The following SYN1 variants were observed in gnomAD, a reference collection of about 807,000 sequenced individuals.
The protein encoded by SYN1 is synapsin I.
SYN1 carries 8 observed loss-of-function variants against 44.6 expected under a neutral mutation model. The observed-to-expected ratio is 0.18, with a 90% CI of 0.11 to 0.32. The LOEUF (loss-of-function observed/expected upper bound fraction) is 0.32. SYN1 is among the 10% of genes least tolerant of loss of function. SYN1 has a pLI of 1.00. For synonymous variants in SYN1, 275 were observed against 280.1 expected (o/e 0.98, Z 0.18); for missense variants, 451 against 639.4 (o/e 0.71, Z 3.18).
At chrX:47,601,919 C>T (rs759599878) in intron 5 of SYN1, among the ~76,000 whole-genome samples, 2 of 112,127 alleles carry the variant, frequency 1.8e-5, no homozygotes, top group Non-Finnish European at 3.8e-5. Context: ...AATTAATGTA[C>T]TACATACCAT....
chrX:47,577,565 G>A (rs1030251098), intron 5 of SYN1, 64 bp from the exon 6 acceptor site: 7 of 1,010,325 alleles, frequency 6.9e-6, no homozygotes, highest in African/African-American at 1.9e-5. Context: ...GGGGTGGGGC[G>A]GCACTGAGGG....
At chrX:47,579,604 C>T (rs1173903043) in intron 5 of SYN1, among the ~76,000 whole-genome samples, 5 of 108,560 alleles carry the variant, frequency 4.6e-5, no homozygotes, top group Non-Finnish European at 9.6e-5. Context: ...CAAAACTGCA[C>T]AATAACCGGA....
intron 5 of SYN1, among the ~76,000 whole-genome samples, chrX:47,600,231 A>G (rs1339712837): frequency 9.1e-6 from 1 of 109,429 alleles, no homozygotes; most frequent in Non-Finnish European, 1.9e-5. Flanking sequence ...ACGTGGTCTC[A>G]CTCAGACTGG....
chrX:47,594,973 T>A lies in SYN1; in HGVS notation c.774+10005A>T, dbSNP rs112441814. Among the ~76,000 whole-genome samples the A allele has an allele frequency of 6.6e-3, 731 of 111,308 alleles. 4 individuals are homozygous for A. The highest frequency in any genetic ancestry group is 0.023 in the African/African-American group (696 of 30,620). ...AACTCCCGACCTCAGGTGATCCGCCTGCCTCAGCCTCCCAAAGTGCTGGGA... is the reference window on the plus strand; with the variant it reads ...AACTCCCGACCTCAGGTGATCCGCCAGCCTCAGCCTCCCAAAGTGCTGGGA... On this transcript the variant is annotated intron_variant, in intron 5 of 12. Transcript: ENST00000295987.
chrX:47,592,337 C>CAAATAAAT (rs149103285), intron 5 of SYN1, among the ~76,000 whole-genome samples: 58 of 98,624 alleles, frequency 5.9e-4, no homozygotes, highest in African/African-American at 1.9e-3. Context: ...GATTTTGTCT[C>CAAATAAAT]AAATAAATAA....
At chrX:47,578,375 TACACA>T (rs2057784637) in intron 5 of SYN1, among the ~76,000 whole-genome samples, 1 of 111,233 alleles carries the variant, frequency 9.0e-6, no homozygotes, top group Non-Finnish European at 1.9e-5. Flanking sequence ...AATAAGGCCC[TACACA>T]ACACACAGAG....
intron 1 of SYN1, among the ~76,000 whole-genome samples, chrX:47,609,039 C>CACACACACA (rs773314743): frequency 5.5e-5 from 6 of 109,015 alleles, no homozygotes; most frequent in Non-Finnish European, 9.6e-5. Flanking sequence ...CACACACACA[C>CACACACACA]CATCGCTGAC....
chrX:47,606,061 T>G (rs1443630721), intron 3 of SYN1, among the ~76,000 whole-genome samples: 1 of 109,589 alleles, frequency 9.1e-6, no homozygotes, highest in Non-Finnish European at 1.9e-5. Flanking sequence ...CCTGGCTAAT[T>G]TTTTTATTTT....
chrX:47,590,698 C>T (rs965965829), intron 5 of SYN1, among the ~76,000 whole-genome samples: 3 of 110,562 alleles, frequency 2.7e-5, no homozygotes, highest in Non-Finnish European at 3.8e-5. Context: ...GGAAAGGATG[C>T]GATGGGGCCT....
intron 5 of SYN1, among the ~76,000 whole-genome samples, chrX:47,579,214 T>C (rs1370870580): frequency 2.7e-5 from 3 of 110,807 alleles, no homozygotes; most frequent in Non-Finnish European, 3.8e-5. Context: ...AACCCTGAGG[T>C]TTCTAGGTGC....
intron 5 of SYN1, among the ~76,000 whole-genome samples, chrX:47,600,701 A>G (rs2057877291): frequency 8.9e-6 from 1 of 112,050 alleles, no homozygotes; most frequent in Admixed American, 9.5e-5. Flanking sequence ...TCTGACCACA[A>G]TGGAATGAAA....
intron 5 of SYN1, among the ~76,000 whole-genome samples, chrX:47,580,574 T>C (rs1438036721): frequency 9.5e-6 from 1 of 105,751 alleles, no homozygotes; most frequent in Non-Finnish European, 1.9e-5. Context: ...GAGGTTGCAG[T>C]GAGCCAAGAT....
At chrX:47,574,859 TG>T (rs1166575515) in intron 10 of SYN1, 84 bp from the exon 11 acceptor site, 13 of 926,801 alleles carry the variant, frequency 1.4e-5, no homozygotes, top group Non-Finnish European at 3.0e-6. Flanking sequence ...AGGTTCCCTG[TG>T]CGCTGGGTGT....
chrX:47,612,298 A>G (rs1461479055), intron 1 of SYN1, among the ~76,000 whole-genome samples: 2 of 110,648 alleles, frequency 1.8e-5, no homozygotes, highest in African/African-American at 6.6e-5. Flanking sequence ...CAGGCACCAA[A>G]TGATTGTGCA....
intron 12 of SYN1, 148 bp from the exon 13 acceptor site, chrX:47,573,147 G>A (rs1177873483): frequency 9.2e-6 from 7 of 760,363 alleles, no homozygotes; most frequent in Admixed American, 2.7e-5. Context: ...CTGCCACCAT[G>A]GGCCTGGACC....
In SYN1 at chrX:47,602,567, A is replaced by G. The variant is rs751342134; in HGVS notation, c.774+2411T>C. On this transcript the variant is annotated intron_variant, in intron 5 of 12. Coordinates refer to ENST00000295987, the MANE Select transcript of SYN1 (RefSeq NM_006950.3). ...TGAGTCAGGAGATTCGCTTGAACCC[A>G]GGAGGCGGAGGCTGCAGTGAGCTGA... 2.9e-4 allele frequency among the ~76,000 whole-genome samples: 32 copies of G among 110,624 alleles called. No homozygotes were observed. The South Asian group carries it at 3.5e-3, about 12-fold the overall frequency.
At chrX:47,575,066 A>G in intron 10 of SYN1, 62 bp downstream of exon 10, 1 of 1,157,874 alleles carries the variant, frequency 8.6e-7, no homozygotes. Flanking sequence ...ATGGCACAGC[A>G]TGACCCAGGG....
chrX:47,606,046 C>G (rs2057895943), intron 3 of SYN1, among the ~76,000 whole-genome samples: 1 of 110,045 alleles, frequency 9.1e-6, no homozygotes, highest in South Asian at 3.9e-4. Flanking sequence ...GCACCTGCCA[C>G]CACGCCTGGC....
rs886136735 is a variant in SYN1 at position 47,585,325 on chromosome X, A to T, written c.775-7824T>A. ...CCACAACCGCAGCGAGGAGTTTCTC[A>T]TTGCTGGTGAGGCACCGTCCCCGCG... is the stretch of plus-strand genomic sequence containing the variant. On this transcript the variant is annotated intron_variant, in intron 5 of 12. Coordinates refer to ENST00000295987, the MANE Select transcript of SYN1 (RefSeq NM_006950.3). 2 of 1,211,462 alleles carry T rather than the reference A, an allele frequency of 1.7e-6. No homozygotes were observed. The highest frequency in any genetic ancestry group is 2.2e-6 in the Non-Finnish European group (2 of 895,282).
Sources: gnomAD v4.1 joint callset for allele counts (sites outside exome capture counted in the v4.1 genomes callset) on GRCh38, gnomAD v4.1.1 for gene constraint, MANE v1.5 for transcripts, NCBI Gene and HGNC (gene_info 2026-07-23, HGNC 2026-07-21) for gene names.